Variants in CTNND2 observed in about 807,000 individuals in gnomAD.
CTNND2 encodes the protein catenin delta 2.
CTNND2 carries 22 observed loss-of-function variants against 144.4 expected under a neutral mutation model. The observed-to-expected ratio is 0.15, with a 90% CI of 0.11 to 0.22. The LOEUF is 0.22. Among genes scored for constraint, CTNND2 ranks in the 10% least tolerant of loss-of-function variants. CTNND2 has a pLI of 1.00. For synonymous variants in CTNND2, 751 were observed against 695.6 expected (o/e 1.08, Z -1.25); for missense variants, 1,353 against 1,618.8 (o/e 0.84, Z 2.82).
intron 3 of CTNND2, among the ~76,000 whole-genome samples, chr5:11,562,084 A>G (rs1044694382): frequency 2.0e-5 from 3 of 152,092 alleles, no homozygotes; most frequent in Non-Finnish European, 2.9e-5. Flanking sequence ...GGAATCAGAT[A>G]GGTGCAATTC....
chr5:11,537,111 C>T (rs532792986), intron 3 of CTNND2, among the ~76,000 whole-genome samples: 4 of 151,892 alleles, frequency 2.6e-5, no homozygotes, highest in African/African-American at 9.7e-5. Context: ...CTGCTACACT[C>T]CCAATTTTAC....
chr5:11,407,478 T>C (rs1761187191), intron 5 of CTNND2, among the ~76,000 whole-genome samples: 1 of 152,184 alleles, frequency 6.6e-6, no homozygotes, highest in East Asian at 1.9e-4. Context: ...TTACTGCTTG[T>C]CTTGAGGTCA....
At chr5:11,210,084 A>G (rs562500537) in intron 10 of CTNND2, among the ~76,000 whole-genome samples, 2 of 152,294 alleles carry the variant, frequency 1.3e-5, no homozygotes, top group East Asian at 3.9e-4. Context: ...AGAGTGTGAC[A>G]CTGGGTAGTT....
intron 2 of CTNND2, among the ~76,000 whole-genome samples, chr5:11,725,928 G>T (rs1253417797): frequency 6.6e-6 from 1 of 152,072 alleles, no homozygotes; most frequent in Non-Finnish European, 1.5e-5. Context: ...TTTCCCATGA[G>T]CTTCCTCTAG....
chr5:11,781,531 T>C (rs969140882), intron 1 of CTNND2, among the ~76,000 whole-genome samples: 3 of 152,218 alleles, frequency 2.0e-5, no homozygotes, highest in Non-Finnish European at 2.9e-5. Flanking sequence ...AATTTATAAT[T>C]TGAAGAATAT....
intron 1 of CTNND2, among the ~76,000 whole-genome samples, chr5:11,888,632 A>T (rs2127091760): frequency 6.6e-6 from 1 of 152,138 alleles, no homozygotes; most frequent in East Asian, 1.9e-4. Context: ...TAGAATAGTT[A>T]TTTTTATAGA....
chr5:11,579,603 T>A (rs929883850), intron 2 of CTNND2, among the ~76,000 whole-genome samples: 1 of 152,210 alleles, frequency 6.6e-6, no homozygotes, highest in African/African-American at 2.4e-5. Context: ...CAGCAGCTTC[T>A]AGCAAATTAG....
At chr5:11,882,013 G>A (rs2127077084) in intron 1 of CTNND2, among the ~76,000 whole-genome samples, 1 of 151,902 alleles carries the variant, frequency 6.6e-6, no homozygotes, top group Non-Finnish European at 1.5e-5. Context: ...TCATGTACCT[G>A]TTAGATATCT....
chr5:11,762,908 C>A (rs911636207), intron 1 of CTNND2, among the ~76,000 whole-genome samples: 2 of 152,178 alleles, frequency 1.3e-5, no homozygotes, highest in Non-Finnish European at 2.9e-5. Context: ...AACTCCTTTC[C>A]ACTTGCTGTT....
At chr5:11,805,957 G>A (rs1791971574) in intron 1 of CTNND2, among the ~76,000 whole-genome samples, 1 of 152,114 alleles carries the variant, frequency 6.6e-6, no homozygotes, top group Non-Finnish European at 1.5e-5. Context: ...TGTCAACAGT[G>A]TATACACTAA....
chr5:11,451,977 C>T (rs1765351656), intron 3 of CTNND2, among the ~76,000 whole-genome samples: 1 of 152,196 alleles, frequency 6.6e-6, no homozygotes, highest in African/African-American at 2.4e-5. Context: ...GCTGTTTTCC[C>T]CAACAGTGGT....
intron 2 of CTNND2, among the ~76,000 whole-genome samples, chr5:11,717,231 A>T (rs905108202): frequency 2.0e-5 from 3 of 151,982 alleles, no homozygotes; most frequent in African/African-American, 7.2e-5. Flanking sequence ...AAAGACAGAA[A>T]ATGAGTTTCA....
intron 9 of CTNND2, among the ~76,000 whole-genome samples, chr5:11,306,707 A>C (rs1750246176): frequency 6.6e-6 from 1 of 152,244 alleles, no homozygotes; most frequent in South Asian, 2.1e-4. Context: ...ACACATATGC[A>C]TAGGAATGTC....
At chr5:11,003,674 A>G (rs775234983) in intron 18 of CTNND2, among the ~76,000 whole-genome samples, 16 of 152,358 alleles carry the variant, frequency 1.1e-4, no homozygotes, top group Admixed American at 2.0e-4. Flanking sequence ...ACAAGCTCCC[A>G]TCTATTTTTA....
chr5:11,083,879 A>C, intron 15 of CTNND2: 1 of 1,117,358 alleles, frequency 8.9e-7, no homozygotes. Flanking sequence ...GCTGGCTCTC[A>C]CCTGTGGCAG....
chr5:11,188,749 T>C (rs961451495), intron 11 of CTNND2, among the ~76,000 whole-genome samples: 1 of 152,160 alleles, frequency 6.6e-6, no homozygotes, highest in African/African-American at 2.4e-5. Flanking sequence ...GAAGAAGCCA[T>C]ATGGCTAGAA....
intron 11 of CTNND2, among the ~76,000 whole-genome samples, chr5:11,198,075 A>T (rs1428667651): frequency 2.0e-5 from 3 of 152,190 alleles, no homozygotes; most frequent in Non-Finnish European, 4.4e-5. Flanking sequence ...TTTTGCAGGC[A>T]GTTCCAACTT....
At chr5:11,380,923 T>C (rs907809292) in intron 7 of CTNND2, among the ~76,000 whole-genome samples, 4 of 152,220 alleles carry the variant, frequency 2.6e-5, no homozygotes, top group African/African-American at 9.7e-5. Context: ...ACTTTGATTC[T>C]GACAGATATC....
chr5:10,998,988 G>C (rs1739645260), intron 18 of CTNND2, among the ~76,000 whole-genome samples: 1 of 152,106 alleles, frequency 6.6e-6, no homozygotes, highest in Non-Finnish European at 1.5e-5. Context: ...GAAACTCATG[G>C]AACACTAGAT....
Sources: gnomAD v4.1 joint callset for allele counts (sites outside exome capture counted in the v4.1 genomes callset) on GRCh38, gnomAD v4.1.1 for gene constraint, MANE v1.5 for transcripts, NCBI Gene and HGNC (gene_info 2026-07-23, HGNC 2026-07-21) for gene names.